The following INO80 variants were observed in gnomAD, a reference collection of about 807,000 sequenced individuals.
INO80 encodes chromatin-remodeling ATPase INO80.
A neutral mutation model predicts 203.4 loss-of-function variants in INO80; 20 were observed. The observed-to-expected ratio is 0.10, with a 90% CI of 0.07 to 0.14. INO80 has a LOEUF of 0.14. INO80 is among the 10% of genes least tolerant of loss of function. The probability of loss-of-function intolerance (pLI) is 1.00; values close to 1 mark genes in which losing one functional copy is unlikely to be tolerated. For missense variants in INO80, 1,419 were observed against 1,914.4 expected (o/e 0.74, Z 4.83); for synonymous variants, 726 against 685.2 (o/e 1.06, Z -0.93).
At chr15:41,108,570 GGACACAGCGA>G (rs896206723) in intron 1 of INO80, among the ~76,000 whole-genome samples, 2 of 148,680 alleles carry the variant, frequency 1.3e-5, no homozygotes, top group Non-Finnish European at 1.5e-5. Context: ...CCAGCCTGGG[GGACACAGCGA>G]GACTCCGTCT....
At chr15:41,005,947 TGTAG>T (rs1240191096) in intron 27 of INO80, among the ~76,000 whole-genome samples, 1 of 132,448 alleles carries the variant, frequency 7.6e-6, no homozygotes, top group Non-Finnish European at 1.6e-5. Context: ...TGTAAATTCC[TGTAG>T]GTTTCATTAA....
chr15:41,072,843 C>G (rs950861883), intron 11 of INO80, among the ~76,000 whole-genome samples: 2 of 151,022 alleles, frequency 1.3e-5, no homozygotes, highest in Non-Finnish European at 2.9e-5. Flanking sequence ...TGCAGTGGCA[C>G]AATCTCGGCT....
At chr15:41,069,946 T>C (rs924340995) in intron 13 of INO80, among the ~76,000 whole-genome samples, 3 of 152,242 alleles carry the variant, frequency 2.0e-5, no homozygotes, top group African/African-American at 7.2e-5. Context: ...TGTATTGTTT[T>C]CTACTATACT....
At chr15:41,018,531 C>T (rs890517383) in intron 26 of INO80, 1 of 152,236 alleles carries the variant, frequency 6.6e-6, no homozygotes, top group African/African-American at 2.4e-5. Flanking sequence ...ATGGACTGGA[C>T]TTCTTTGTAC....
chr15:41,081,347 T>C (rs1014851596), intron 7 of INO80, among the ~76,000 whole-genome samples: 1 of 152,196 alleles, frequency 6.6e-6, no homozygotes, highest in African/African-American at 2.4e-5. Context: ...AGGCTTGAAG[T>C]GGACTAGAAA....
At chr15:41,008,548 A>T (rs2044084884) in intron 27 of INO80, among the ~76,000 whole-genome samples, 1 of 152,134 alleles carries the variant, frequency 6.6e-6, no homozygotes. Context: ...GTATATGTGA[A>T]CTCTTCTAAG....
chr15:41,076,136 A>G (rs1717200), intron 9 of INO80, among the ~76,000 whole-genome samples: 87,741 of 151,966 alleles, frequency 0.58, 27,889 homozygotes, highest in African/African-American at 0.86. Context: ...CAAGGCTGGC[A>G]GATCACCTGA....
At chr15:41,055,214 G>T (rs369483234) in intron 18 of INO80, 33 bp downstream of exon 18, 3 of 1,229,794 alleles carry the variant, frequency 2.4e-6, no homozygotes, top group South Asian at 1.3e-5. Context: ...ACACTGATAG[G>T]TAGATAGAAA....
At chr15:41,077,719 CCTGT>C (rs150498393) in intron 9 of INO80, among the ~76,000 whole-genome samples, 6,277 of 152,002 alleles carry the variant, frequency 0.041, 440 homozygotes, top group African/African-American at 0.14. Flanking sequence ...TGCCACTACA[CCTGT>C]CTAATTTTTC....
In INO80 at chr15:40,979,812, A is replaced by C. The variant is rs1893748409; in HGVS notation, c.*411T>G. On this transcript the variant is annotated 3_prime_UTR_variant, in exon 36 of 36. Transcript: ENST00000648947. ...CCCTATGAGAAATCACACTCTTAAG[A>C]GAAATCTCTACCATGGAAGGCTCTT... 4.6e-6 allele frequency: 1 copy of C among 218,286 alleles called. No homozygotes were observed. The highest frequency in any genetic ancestry group is 1.1e-4 in the East Asian group (1 of 9,088). 13.5% of individuals were successfully genotyped at this position (218,286 alleles called of 1,614,324 possible).
intron 1 of INO80, among the ~76,000 whole-genome samples, chr15:41,115,343 G>A (rs180981999): frequency 2.8e-3 from 426 of 152,264 alleles, no homozygotes; most frequent in African/African-American, 9.5e-3. Flanking sequence ...GCGAGCTCAA[G>A]AAGGAATGTC....
At chr15:41,108,124 C>T (rs2045907701) in intron 1 of INO80, among the ~76,000 whole-genome samples, 1 of 152,108 alleles carries the variant, frequency 6.6e-6, no homozygotes, top group African/African-American at 2.4e-5. Flanking sequence ...CTTTACTCTT[C>T]GTGCTGTAAA....
intron 24 of INO80, among the ~76,000 whole-genome samples, chr15:41,036,254 T>C (rs1164149325): frequency 6.8e-6 from 1 of 146,878 alleles, no homozygotes; most frequent in African/African-American, 2.5e-5. Context: ...AGATATCAAG[T>C]GTTTATTGTT....
At chr15:40,992,639 C>T (rs2043830893) in intron 29 of INO80, among the ~76,000 whole-genome samples, 2 of 152,240 alleles carry the variant, frequency 1.3e-5, no homozygotes, top group South Asian at 4.1e-4. Flanking sequence ...TAGCAACACA[C>T]ACACAGTATA....
At chr15:41,096,948 G>C (rs1257021625) in intron 1 of INO80, among the ~76,000 whole-genome samples, 1 of 152,118 alleles carries the variant, frequency 6.6e-6, no homozygotes, top group African/African-American at 2.4e-5. Context: ...TAAAAGTGAG[G>C]GTGAGAAACA....
At chr15:41,058,132 ACTC>A (rs2045027737) in intron 16 of INO80, among the ~76,000 whole-genome samples, 1 of 151,998 alleles carries the variant, frequency 6.6e-6, no homozygotes, top group Admixed American at 6.6e-5. Flanking sequence ...CCTACTTAGA[ACTC>A]CTATCTAAAA....
chr15:41,013,831 T>C (rs1468873295), intron 27 of INO80, among the ~76,000 whole-genome samples: 1 of 152,218 alleles, frequency 6.6e-6, no homozygotes, highest in Non-Finnish European at 1.5e-5. Context: ...GGCTAAGCAA[T>C]GTCAGCAGTT....
intron 28 of INO80, chr15:41,004,899 G>A (rs1052440320): frequency 1.1e-4 from 16 of 152,036 alleles, no homozygotes; most frequent in Admixed American, 3.3e-4. Context: ...TACTCAGAAA[G>A]TGCTACTGTT....
chr15:41,097,993 A>C (rs975886960), intron 1 of INO80, among the ~76,000 whole-genome samples: 1 of 151,986 alleles, frequency 6.6e-6, no homozygotes. Context: ...TGAAATGATA[A>C]GTTTTTTTGT....
Sources: allele counts gnomAD v4.1 joint callset (sites outside exome capture counted in the v4.1 genomes callset), GRCh38; gene constraint gnomAD v4.1.1; transcripts MANE v1.5; gene names NCBI Gene and HGNC (gene_info 2026-07-23, HGNC 2026-07-21).